ZBTB7A: variants seen among roughly 807,000 people sequenced by gnomAD.
ZBTB7A encodes the protein zinc finger and BTB domain-containing protein 7A.
Under a neutral mutation model 26.7 loss-of-function variants are expected in ZBTB7A, and 7 were observed. That is an observed-to-expected ratio of 0.26 (90% CI 0.15 to 0.49). The LOEUF is 0.49. Among genes scored for constraint, ZBTB7A ranks in the 20% least tolerant of loss-of-function variants. The pLI, the probability that ZBTB7A is intolerant of heterozygous loss-of-function variation, is 0.98. For synonymous variants in ZBTB7A, 452 were observed against 441.0 expected, an observed-to-expected ratio of 1.02 and a Z score of -0.31; for missense variants, 617 against 919.5, an observed-to-expected ratio of 0.67 and a Z score of 4.25.
At chr19:4,049,618 C>T (rs1287361900) in intron 2 of ZBTB7A, among the ~76,000 whole-genome samples, 1 of 152,106 alleles carries the variant, frequency 6.6e-6, no homozygotes, top group African/African-American at 2.4e-5. Context: ...GAAAGTCCTG[C>T]ATCCTGGGAA....
At position 4,053,347 on chromosome 19, in the gene ZBTB7A, G is replaced by A. The variant is rs549970015; in HGVS notation, c.1262+624C>T. 5.7e-3 allele frequency among the ~76,000 whole-genome samples: 874 copies of A among 152,342 alleles called. 10 individuals are homozygous for A. Among genetic ancestry groups the A allele is most frequent in the African/African-American group, 0.02 (843 of 41,570 alleles). On this transcript the variant is annotated intron_variant, in intron 2 of 2. Coordinates refer to ENST00000322357, the MANE Select transcript of ZBTB7A (RefSeq NM_015898.4). The stretch of plus-strand genomic sequence containing the variant: ...AAGCGTTCGTTGGCTTTGGGCCCAA[G>A]AGGTGGGGTGTGTCTGTTTGCGTGT...
chr19:4,048,361 G>A lies in ZBTB7A; in HGVS notation c.1263-117C>T, dbSNP rs963053890. The A allele has an allele frequency of 4.5e-6, 6 of 1,341,508 alleles. No homozygotes were observed. Among genetic ancestry groups the A allele is most frequent in the South Asian group, 3.4e-5 (2 of 57,986 alleles). The allele number at this position is 1,341,508 out of a possible 1,614,324, so 83.1% of individuals were successfully genotyped here. On this transcript the variant is annotated intron_variant, in intron 2 of 2. Coordinates refer to ENST00000322357, the MANE Select transcript of ZBTB7A (RefSeq NM_015898.4). The surrounding 1 kb of genome is among the most constrained non-coding windows in gnomAD (Gnocchi z 6.7). ...TCATCACCCTTGCAGAACACGGACCGTGCACCAGAGGTTTCGGTGCCCCGA... is the reference window on the plus strand; with the variant it reads ...TCATCACCCTTGCAGAACACGGACCATGCACCAGAGGTTTCGGTGCCCCGA...
At chr19:4,060,886 CCAGGGAGAG>C (rs2040631508) in intron 1 of ZBTB7A, among the ~76,000 whole-genome samples, 1 of 152,170 alleles carries the variant, frequency 6.6e-6, no homozygotes, top group Admixed American at 6.5e-5. Context: ...AACCCTCTGC[CCAGGGAGAG>C]CAGGGAAGGA....
intron 1 of ZBTB7A, among the ~76,000 whole-genome samples, chr19:4,057,788 A>C (rs1029801310): frequency 6.6e-6 from 1 of 151,436 alleles, no homozygotes; most frequent in Non-Finnish European, 1.5e-5. Context: ...CTCCAAAAAA[A>C]AAAAAAAAAA....
chr19:4,055,464 T>C (rs2144995604), intron 1 of ZBTB7A: 1 of 985,336 alleles, frequency 1.0e-6, no homozygotes, highest in Non-Finnish European at 1.2e-6. Flanking sequence ...CTCCAGCCTC[T>C]TTTCTTTTTT....
intron 1 of ZBTB7A, among the ~76,000 whole-genome samples, chr19:4,060,842 G>A (rs2040631054): frequency 6.6e-6 from 1 of 152,220 alleles, no homozygotes; most frequent in African/African-American, 2.4e-5. Flanking sequence ...CTGGAGCAGG[G>A]GGCCGTCTAA....
In ZBTB7A at chr19:4,045,733, G is replaced by T. The variant is rs1240476626; in HGVS notation, c.*2019C>A. ...TGCTAGCATTGCATATGCAAACGGGGTGAGGGCGTCCTGGCATCTGGCGAC... is the reference window on the plus strand; with the variant it reads ...TGCTAGCATTGCATATGCAAACGGGTTGAGGGCGTCCTGGCATCTGGCGAC... On this transcript the variant is annotated 3_prime_UTR_variant, in exon 3 of 3. Transcript: ENST00000322357. This position sits in a 1 kb window ranked among gnomAD's most constrained non-coding sequence, Gnocchi z 4.1. The T allele has an allele frequency of 1.3e-5, 5 of 396,572 alleles. No individual in the cohort carries two copies. The highest frequency in any genetic ancestry group is 6.3e-4 in the Middle Eastern group (1 of 1,598). The allele number at this position is 396,572 out of a possible 1,614,324, so 24.6% of individuals were successfully genotyped here. A position where few individuals can be genotyped will look rare whatever the true frequency, so the allele number is the denominator to read the frequency against.
rs770164430 is a variant in ZBTB7A, at chr19:4,053,950, C to A, written c.1262+21G>T. 5 of 1,574,244 alleles carry A rather than the reference C, an allele frequency of 3.2e-6. No homozygotes were observed. The South Asian group carries it at 5.8e-5, about 18-fold the overall frequency. The stretch of plus-strand genomic sequence containing the variant: ...TGGGGCAGAGAGCAGGACGGCGCCT[C>A]CCCCGCGGCGGGCAGCTCACCTGGT... On this transcript the variant is annotated intron_variant, in intron 2 of 2. Transcript: ENST00000322357.
chr19:4,060,233 G>A (rs2040625376), intron 1 of ZBTB7A, among the ~76,000 whole-genome samples: 1 of 152,038 alleles, frequency 6.6e-6, no homozygotes, highest in Non-Finnish European at 1.5e-5. Context: ...CCAGGGTGGC[G>A]CATAGTAGGG....
intron 1 of ZBTB7A, among the ~76,000 whole-genome samples, chr19:4,064,003 A>AAAACAAAC (rs368586825): frequency 1.3e-5 from 2 of 152,250 alleles, no homozygotes; most frequent in African/African-American, 2.4e-5. Flanking sequence ...AGAAAAGGAA[A>AAAACAAAC]AAACAAACAA....
chr19:4,064,632 C>T (rs972158116), intron 1 of ZBTB7A, among the ~76,000 whole-genome samples: 2 of 152,220 alleles, frequency 1.3e-5, no homozygotes, highest in African/African-American at 4.8e-5. Flanking sequence ...ACGCCCTGGT[C>T]CAGTTCTGAG....
chr19:4,049,098 C>T (rs1404939854), intron 2 of ZBTB7A, among the ~76,000 whole-genome samples: 4 of 144,912 alleles, frequency 2.8e-5, no homozygotes, highest in Admixed American at 7.0e-5. Flanking sequence ...GCCTCATCCT[C>T]CAGAGTAGCA....
chr19:4,054,576 G>A lies in ZBTB7A; in HGVS notation c.657C>T (p.Phe219=), dbSNP rs750024654. The A allele has an allele frequency of 6.5e-7, 1 of 1,533,956 alleles. No homozygotes were observed. Among genetic ancestry groups the A allele is most frequent in the Non-Finnish European group, 8.7e-7 (1 of 1,151,458 alleles). The change falls in exon 2 of 3, where the codon TTC becomes TTT. Residue 219 remains phenylalanine, a synonymous_variant. Coordinates refer to ENST00000322357, the MANE Select transcript of ZBTB7A (RefSeq NM_015898.4). ...GCTCGGCCGGGGGGCCCGGCCCATA[G>A]AAGTCTAAGCCGTTGCAGTCGCCCG... The part of the protein sequence containing the change: ...VAAGDCNGLD[F]YGPGPPAERP...
intron 2 of ZBTB7A, among the ~76,000 whole-genome samples, chr19:4,050,426 G>A (rs72976986): frequency 0.19 from 28,766 of 152,142 alleles, 2,859 homozygotes; most frequent in African/African-American, 0.24. Context: ...TGTGAGCCCC[G>A]AGAAGGCAGG....
At position 4,054,396 on chromosome 19, in the gene ZBTB7A, C is replaced by T; in HGVS notation, c.837G>A (p.Glu279=). The T allele has an allele frequency of 7.1e-7, 1 of 1,401,664 alleles. No homozygotes were observed. The highest frequency in any genetic ancestry group is 9.2e-7 in the Non-Finnish European group (1 of 1,090,368). The allele number at this position is 1,401,664 out of a possible 1,614,324, so 86.8% of individuals were successfully genotyped here. Residue 279 remains glutamate (E), a synonymous_variant, in exon 2 of 3, where the codon GAG becomes GAA. Transcript: ENST00000322357. ...NGHYGRGGEE[E]AASLSEAAPE... ...GGGCCGCCTCCGACAGCGAGGCGGC[C>T]TCCTCCTCTCCGCCGCGGCCGTAGT... is the stretch of plus-strand genomic sequence containing the variant.
chr19:4,054,426 G>A lies in ZBTB7A; in HGVS notation c.807C>T (p.Asn269=), dbSNP rs912183954. ...PPVAPPAATQ[N]GHYGRGGEEE... ...CCTCTCCGCCGCGGCCGTAGTGGCC[G>A]TTCTGCGTGGCGGCCGGCGGGGCCA... The change falls in exon 2 of 3, where the codon AAC becomes AAT. Residue 269 remains asparagine (N), a synonymous_variant. Transcript: ENST00000322357. 21 of 1,364,094 alleles carry A rather than the reference G, an allele frequency of 1.5e-5. No homozygotes were observed. The African/African-American group carries it at 2.0e-4, about 13-fold the overall frequency. The allele number at this position is 1,364,094 out of a possible 1,614,324, so 84.5% of individuals were successfully genotyped here.
chr19:4,057,443 T>G (rs2040592311), intron 1 of ZBTB7A, among the ~76,000 whole-genome samples: 1 of 152,210 alleles, frequency 6.6e-6, no homozygotes, highest in African/African-American at 2.4e-5. Flanking sequence ...CCTGTTGATC[T>G]GAGCACGGGC....
In ZBTB7A at chr19:4,045,015, T is replaced by TG. The variant is rs1286463316; in HGVS notation, c.*2736dup. On this transcript the variant is annotated 3_prime_UTR_variant, in exon 3 of 3. Coordinates refer to ENST00000322357, the MANE Select transcript of ZBTB7A (RefSeq NM_015898.4). This position sits in a 1 kb window ranked among gnomAD's most constrained non-coding sequence, Gnocchi z 4.1. Reference sequence around the variant, plus strand: ...CGGCTCTGGGCCCATGCAGAGGCTGTGGCCCCCAGGACGGGCGGGTAGTTA... The same window carrying TG: ...CGGCTCTGGGCCCATGCAGAGGCTGTGGGCCCCCAGGACGGGCGGGTAGTTA... 6.6e-6 allele frequency: 1 copy of TG among 151,908 alleles called. No homozygotes were observed. The highest frequency in any genetic ancestry group is 2.4e-5 in the African/African-American group (1 of 41,284). The allele number at this position is 151,908 out of a possible 1,614,324, so 9.4% of individuals were successfully genotyped here. A position where few individuals can be genotyped will look rare whatever the true frequency, so the allele number is the denominator to read the frequency against.
At position 4,054,761 on chromosome 19, in the gene ZBTB7A, T is replaced by C; in HGVS notation, c.472A>G (p.Lys158Glu). Reference protein sequence around the residue: ...QIDQRNLLRAKEYLEFFQSNP... With the variant: ...QIDQRNLLRAEEYLEFFQSNP... Reference sequence around the variant, plus strand: ...CTCTGGAAGAACTCGAGGTACTCCTTGGCGCGGAGGAGGTTGCGCTGATCA... The same window carrying C: ...CTCTGGAAGAACTCGAGGTACTCCTCGGCGCGGAGGAGGTTGCGCTGATCA... Residue 158 changes from lysine (K) to glutamate (E), a missense_variant, in exon 2 of 3, where the codon AAG becomes GAG. This residue lies in a region of ZBTB7A where 331 missense variants were observed against 391.3 expected (regional missense o/e 0.85). Transcript: ENST00000322357. 6.4e-7 allele frequency: 1 copy of C among 1,572,550 alleles called. No individual in the cohort carries two copies. Among genetic ancestry groups the C allele is most frequent in the East Asian group, 2.4e-5 (1 of 42,404 alleles).
Sources: gnomAD v4.1 joint callset for allele counts (sites outside exome capture counted in the v4.1 genomes callset) on GRCh38, gnomAD v4.1.1 for gene constraint, gnomAD v4.1.1 regional missense constraint, Gnocchi (gnomAD v3.1) non-coding constraint, MANE v1.5 for transcripts, NCBI Gene and HGNC (gene_info 2026-07-23, HGNC 2026-07-21) for gene names.